Variants in IQCM observed in about 807,000 individuals in gnomAD.
IQCM encodes IQ domain-containing protein M.
A neutral mutation model predicts 57.6 loss-of-function variants in IQCM; 45 were observed. The ratio of observed to expected loss-of-function variants is 0.78; its 90% CI spans 0.62 to 1.00. The LOEUF is 1.00. Ranked by LOEUF, IQCM falls within the 50% of genes least tolerant of loss-of-function variation. The pLI is 0.00. For synonymous variants in IQCM, 148 were observed against 158.9 expected, an observed-to-expected ratio of 0.93 and a Z score of 0.51; for missense variants, 468 against 511.6, an observed-to-expected ratio of 0.91 and a Z score of 0.82.
At chr4:149,661,294 C>A (rs904225286) in intron 7 of IQCM, among the ~76,000 whole-genome samples, 3 of 152,138 alleles carry the variant, frequency 2.0e-5, no homozygotes, top group African/African-American at 7.2e-5. Flanking sequence ...TCCTTGCATG[C>A]CTGGGATAAA....
intron 12 of IQCM, among the ~76,000 whole-genome samples, chr4:149,540,051 C>A (rs1162668919): frequency 6.6e-6 from 1 of 151,752 alleles, no homozygotes; most frequent in Non-Finnish European, 1.5e-5. Context: ...TTAAAGAAGG[C>A]ATTAAAGTTA....
At chr4:149,627,578 A>G (rs970545803) in intron 7 of IQCM, among the ~76,000 whole-genome samples, 9 of 152,154 alleles carry the variant, frequency 5.9e-5, no homozygotes, top group Admixed American at 5.2e-4. Context: ...AGGAGAAAAC[A>G]TATTATGTCC....
chr4:149,480,808 C>G (rs1455819257), intron 12 of IQCM, among the ~76,000 whole-genome samples: 2 of 152,110 alleles, frequency 1.3e-5, no homozygotes, highest in East Asian at 1.9e-4. Flanking sequence ...TATAGTAACT[C>G]TATTTTTAGA....
intron 12 of IQCM, among the ~76,000 whole-genome samples, chr4:149,541,844 TAATC>T (rs1297750467): frequency 1.3e-5 from 2 of 152,118 alleles, no homozygotes; most frequent in Admixed American, 6.6e-5. Flanking sequence ...CTAAAGTAGT[TAATC>T]AATTGAATTA....
At chr4:149,660,601 G>T (rs1760096780) in intron 7 of IQCM, among the ~76,000 whole-genome samples, 1 of 152,142 alleles carries the variant, frequency 6.6e-6, no homozygotes, top group African/African-American at 2.4e-5. Flanking sequence ...AACAATGATA[G>T]ACTGGATTAA....
Position 149,731,939 on chromosome 4 carries a change from T to C in IQCM, c.385+1305A>G, listed in dbSNP as rs553392077. On this transcript the variant is annotated intron_variant, in intron 5 of 13. Transcript: ENST00000636793. ...CTCAGGACTAACATTCTGAAGAGCA[T>C]GCTTTGAGAAATGCTGATGGAACAG... 2.0e-5 allele frequency among the ~76,000 whole-genome samples: 3 copies of C among 152,278 alleles called. No individual in the cohort carries two copies. The South Asian group carries it at 6.2e-4, about 32-fold the overall frequency.
At chr4:149,486,054 T>TCC in intron 12 of IQCM, among the ~76,000 whole-genome samples, 1 of 151,562 alleles carries the variant, frequency 6.6e-6, no homozygotes, top group Middle Eastern at 3.4e-3. Flanking sequence ...TCTCTCTCTC[T>TCC]CTCTCTCTCT....
At chr4:149,602,732 T>C (rs1029124605) in intron 8 of IQCM, among the ~76,000 whole-genome samples, 13 of 152,086 alleles carry the variant, frequency 8.5e-5, no homozygotes, top group Non-Finnish European at 1.8e-4. Flanking sequence ...ATAATAGCTA[T>C]AATATAGTAA....
chr4:149,422,294 G>C (rs1330783495), intron 13 of IQCM, among the ~76,000 whole-genome samples: 1 of 151,926 alleles, frequency 6.6e-6, no homozygotes, highest in Non-Finnish European at 1.5e-5. Flanking sequence ...GGCCAAAAAT[G>C]CATGATCAGA....
intron 13 of IQCM, among the ~76,000 whole-genome samples, chr4:149,410,071 C>A (rs1475196490): frequency 6.6e-6 from 1 of 152,122 alleles, no homozygotes; most frequent in East Asian, 1.9e-4. Flanking sequence ...GTAATCCAAG[C>A]TATTTGGAGG....
chr4:149,805,652 A>T (rs1312849667), intron 2 of IQCM, among the ~76,000 whole-genome samples: 3 of 152,130 alleles, frequency 2.0e-5, no homozygotes, highest in Middle Eastern at 3.2e-3. Context: ...ATAAAAAGTG[A>T]AGTAATAGCT....
intron 2 of IQCM, among the ~76,000 whole-genome samples, chr4:149,743,581 GT>G (rs1319977633): frequency 2.0e-5 from 3 of 152,192 alleles, no homozygotes; most frequent in Non-Finnish European, 4.4e-5. Flanking sequence ...CACCTAAGGA[GT>G]TTTTAAATAT....
intron 13 of IQCM, among the ~76,000 whole-genome samples, chr4:149,383,958 A>C (rs979276443): frequency 3.3e-5 from 5 of 152,104 alleles, no homozygotes; most frequent in Non-Finnish European, 7.4e-5. Flanking sequence ...CATCTCAAAA[A>C]AAAGAAGAAT....
At position 149,563,812 on chromosome 4, in the gene IQCM, T is replaced by C. The variant is rs1327412488; in HGVS notation, c.828A>G (p.Gln276=). Residue 276 remains glutamine, a synonymous_variant, in exon 10 of 14, where the codon CAA becomes CAG. Coordinates refer to ENST00000636793, the MANE Select transcript of IQCM (RefSeq NM_001363507.2). ...TGAATTTTTTTCTTTCTCGGAACAC[T>C]TGGAAGATTTCTATGTGTGGTCCAA... is the stretch of plus-strand genomic sequence containing the variant. ...KRIGPHIEIF[Q]VFRERKKFMI... is the part of the protein sequence containing the mutation. 1.3e-5 allele frequency: 16 copies of C among 1,231,710 alleles called. No individual in the cohort carries two copies. Among genetic ancestry groups the C allele is most frequent in the African/African-American group, 1.6e-5 (1 of 64,396 alleles). 76.3% of individuals were successfully genotyped at this position (1,231,710 alleles called of 1,614,324 possible).
intron 13 of IQCM, among the ~76,000 whole-genome samples, chr4:149,398,962 T>C (rs1274655210): frequency 6.6e-6 from 1 of 152,058 alleles, no homozygotes; most frequent in African/African-American, 2.4e-5. Context: ...CTTGAACTAC[T>C]TGGCTTAAGT....
intron 12 of IQCM, among the ~76,000 whole-genome samples, chr4:149,472,460 C>T (rs180829594): frequency 2.2e-4 from 33 of 152,014 alleles, no homozygotes; most frequent in African/African-American, 6.5e-4. Context: ...CACTGCCCAA[C>T]GAAATAAAAG....
Position 149,790,126 on chromosome 4 carries a change from A to G in IQCM, c.-49+25185T>C, listed in dbSNP as rs1158204384. On this transcript the variant is annotated intron_variant, in intron 2 of 13. Coordinates refer to ENST00000636793, the MANE Select transcript of IQCM (RefSeq NM_001363507.2). ...AAAAAGAACAGCCCTTATTTACTCTATGGCAGGTTGGAATGATCTGTGAAC... is the reference window on the plus strand; with the variant it reads ...AAAAAGAACAGCCCTTATTTACTCTGTGGCAGGTTGGAATGATCTGTGAAC... The G allele has an allele frequency of 7.5e-6, 5 of 668,336 alleles. No individual in the cohort carries two copies. The Admixed American group carries it at 8.6e-5, about 11-fold the overall frequency. 41.4% of individuals were successfully genotyped at this position (668,336 alleles called of 1,614,324 possible). A position where few individuals can be genotyped will look rare whatever the true frequency, so the allele number is the denominator to read the frequency against.
intron 8 of IQCM, among the ~76,000 whole-genome samples, chr4:149,620,149 T>C (rs1348619939): frequency 1.3e-5 from 2 of 148,412 alleles, no homozygotes; most frequent in African/African-American, 4.9e-5. Flanking sequence ...AGAGAGAGAC[T>C]CCGTCTCAAA....
intron 12 of IQCM, among the ~76,000 whole-genome samples, chr4:149,517,842 C>T (rs1197047592): frequency 3.9e-5 from 6 of 152,154 alleles, no homozygotes; most frequent in Non-Finnish European, 7.4e-5. Context: ...CACCAGACTC[C>T]AAGTTCTTCA....
Sources: allele counts gnomAD v4.1 joint callset (sites outside exome capture counted in the v4.1 genomes callset), GRCh38; gene constraint gnomAD v4.1.1; transcripts MANE v1.5; gene names NCBI Gene and HGNC (gene_info 2026-07-23, HGNC 2026-07-21).